Variants in SLC24A2 observed in about 807,000 individuals in gnomAD.
The protein encoded by SLC24A2 is sodium/potassium/calcium exchanger 2.
Under a neutral mutation model 62.0 loss-of-function variants are expected in SLC24A2, and 36 were observed. The observed-to-expected ratio is 0.58, with a 90% confidence interval of 0.44 to 0.77. The LOEUF (loss-of-function observed/expected upper bound fraction) is 0.77. SLC24A2 is among the 30% of genes least tolerant of loss of function. The pLI, the probability that SLC24A2 is intolerant of heterozygous loss-of-function variation, is 0.00. For missense variants in SLC24A2, 846 were observed against 817.9 expected (o/e 1.03, Z -0.42); for synonymous variants, 358 against 294.0 (o/e 1.22, Z -2.23).
chr9:19,520,571 CTT>C (rs1196330630), intron 10 of SLC24A2, among the ~76,000 whole-genome samples: 7 of 152,212 alleles, frequency 4.6e-5, no homozygotes, highest in Middle Eastern at 3.4e-3. Context: ...TGTGAACCTT[CTT>C]ATCATGAAGC....
chr9:19,654,917 A>T (rs1370172186), intron 2 of SLC24A2, among the ~76,000 whole-genome samples: 7 of 152,204 alleles, frequency 4.6e-5, no homozygotes, highest in African/African-American at 1.7e-4. Context: ...TGCAACATGC[A>T]TGTGAGTGAT....
intron 2 of SLC24A2, among the ~76,000 whole-genome samples, chr9:19,636,415 C>A: frequency 2.0e-5 from 1 of 49,346 alleles, no homozygotes; most frequent in Non-Finnish European, 3.7e-5. Context: ...CTCTTTCTTT[C>A]TTTCCTCTTC....
intron 4 of SLC24A2, among the ~76,000 whole-genome samples, chr9:19,602,261 G>C (rs1836862127): frequency 6.6e-6 from 1 of 152,180 alleles, no homozygotes; most frequent in South Asian, 2.1e-4. Flanking sequence ...CATTGGAAGT[G>C]CTCAAGCTCA....
chr9:19,865,990 G>C, the SLC24A2 span, among the ~76,000 whole-genome samples: 1 of 152,090 alleles, frequency 6.6e-6, no homozygotes, highest in African/African-American at 2.4e-5. Flanking sequence ...AGTGCAAACA[G>C]CTCTATTGGG....
the SLC24A2 span, among the ~76,000 whole-genome samples, chr9:19,899,099 C>T: frequency 3.3e-5 from 5 of 152,160 alleles, no homozygotes; most frequent in African/African-American, 4.8e-5. Flanking sequence ...GTATCAGCCT[C>T]ACATGAAAAT....
rs1056580143 is a variant in SLC24A2, at chr9:19,676,040, G to T, written c.931-53741C>A. On this transcript the variant is annotated intron_variant, in intron 2 of 10. Coordinates refer to ENST00000341998, the MANE Select transcript of SLC24A2 (RefSeq NM_020344.4). ...TTCCCTGGGGACCAAGAGCCCATAG[G>T]GCTCTTCCCACTGCTACTTCTACCC... Among the ~76,000 whole-genome samples, 9 of 152,218 alleles carry T rather than the reference G, an allele frequency of 5.9e-5. No homozygotes were observed. In the South Asian group the frequency reaches 8.3e-4, roughly 14 times the overall value.
intron 7 of SLC24A2, among the ~76,000 whole-genome samples, chr9:19,565,310 A>T (rs982425954): frequency 6.9e-6 from 1 of 144,922 alleles, no homozygotes; most frequent in African/African-American, 2.6e-5. Context: ...AAGCATTCTT[A>T]TACACCAACA....
the SLC24A2 span, among the ~76,000 whole-genome samples, chr9:20,259,653 C>G: frequency 6.6e-6 from 1 of 151,864 alleles, no homozygotes; most frequent in Non-Finnish European, 1.5e-5. Context: ...CCAAATAGTC[C>G]CCAGTAGTCA....
At chr9:19,668,721 T>TC (rs113905116) in intron 2 of SLC24A2, among the ~76,000 whole-genome samples, 6 of 152,298 alleles carry the variant, frequency 3.9e-5, no homozygotes, top group African/African-American at 1.2e-4. Flanking sequence ...TACGATATCT[T>TC]CACACACAGA....
At chr9:20,196,833 C>A in the SLC24A2 span, among the ~76,000 whole-genome samples, 1 of 152,194 alleles carries the variant, frequency 6.6e-6, no homozygotes, top group African/African-American at 2.4e-5. Context: ...ACATCATCCC[C>A]TCCTAAAAAC....
the SLC24A2 span, among the ~76,000 whole-genome samples, chr9:19,978,625 G>GA: frequency 6.6e-6 from 1 of 151,860 alleles, no homozygotes; most frequent in East Asian, 1.9e-4. Flanking sequence ...AACAATTTTA[G>GA]AAATATCAAT....
chr9:19,964,312 A>G, the SLC24A2 span, among the ~76,000 whole-genome samples: 1 of 151,818 alleles, frequency 6.6e-6, no homozygotes, highest in Non-Finnish European at 1.5e-5. Flanking sequence ...TGGCACATGT[A>G]TACATATGTA....
At chr9:20,291,901 G>C in the SLC24A2 span, among the ~76,000 whole-genome samples, 1 of 152,144 alleles carries the variant, frequency 6.6e-6, no homozygotes, top group African/African-American at 2.4e-5. Flanking sequence ...AACAAGGCAG[G>C]ATGCTATGCT....
At chr9:19,614,883 A>G (rs536251350) in intron 4 of SLC24A2, among the ~76,000 whole-genome samples, 2 of 152,074 alleles carry the variant, frequency 1.3e-5, no homozygotes, top group South Asian at 4.2e-4. Context: ...CTACCAGCTA[A>G]ATACCATCAA....
intron 2 of SLC24A2, among the ~76,000 whole-genome samples, chr9:19,623,620 A>C (rs1817962864): frequency 6.6e-6 from 1 of 152,260 alleles, no homozygotes; most frequent in African/African-American, 2.4e-5. Flanking sequence ...AAAGTGAAAA[A>C]ATCAAATCTA....
the SLC24A2 span, among the ~76,000 whole-genome samples, chr9:19,879,182 T>C: frequency 6.6e-6 from 1 of 152,192 alleles, no homozygotes; most frequent in Non-Finnish European, 1.5e-5. Flanking sequence ...AGAGAGGTCA[T>C]GCTGAGGCTG....
the SLC24A2 span, among the ~76,000 whole-genome samples, chr9:19,869,125 G>A: frequency 3.9e-5 from 6 of 152,050 alleles, no homozygotes; most frequent in African/African-American, 7.2e-5. Flanking sequence ...GGGACCAAAG[G>A]CATGTACCAC....
chr9:19,620,762 G>A (rs1817889385), intron 3 of SLC24A2, among the ~76,000 whole-genome samples: 1 of 152,192 alleles, frequency 6.6e-6, no homozygotes, highest in South Asian at 2.1e-4. Context: ...GGAGTTGAAA[G>A]GTATCGTAAT....
chr9:20,280,989 G>A, the SLC24A2 span, among the ~76,000 whole-genome samples: 1 of 152,164 alleles, frequency 6.6e-6, no homozygotes, highest in Non-Finnish European at 1.5e-5. Context: ...GAATGCAGTG[G>A]CACTATCTTG....
Sources: allele counts gnomAD v4.1 joint callset (sites outside exome capture counted in the v4.1 genomes callset), GRCh38; gene constraint gnomAD v4.1.1; transcripts MANE v1.5; gene names NCBI Gene and HGNC (gene_info 2026-07-23, HGNC 2026-07-21).